Variants in KIFBP observed in about 807,000 individuals in gnomAD.
KIFBP encodes the protein kinesin family binding protein.
Under a neutral mutation model 58.9 loss-of-function variants are expected in KIFBP, and 46 were observed. The observed-to-expected ratio is 0.78, with a 90% CI of 0.62 to 1.00. KIFBP has a LOEUF of 1.00. KIFBP is among the 50% of genes least tolerant of loss of function. The probability of loss-of-function intolerance (pLI) is 0.00; values close to 1 mark genes in which losing one functional copy is unlikely to be tolerated. For missense variants in KIFBP, 651 were observed against 752.9 expected (o/e 0.86, Z 1.58); for synonymous variants, 241 against 283.4 (o/e 0.85, Z 1.50).
Position 69,015,725 on chromosome 10 carries a change from C to G in KIFBP, c.1175C>G (p.Ala392Gly). 1 of 1,614,128 alleles carries G rather than the reference C, an allele frequency of 6.2e-7. No individual in the cohort carries two copies. Among genetic ancestry groups the G allele is most frequent in the South Asian group, 1.1e-5 (1 of 91,090 alleles). ...SYLRPLDFEE[A>G]RELFLLGQHY... ...TTGAGACCTTTAGATTTTGAAGAAG[C>G]CAGAGAACTTTTCTTATTGGGTCAG... Residue 392 changes from alanine to glycine, a missense_variant, in exon 7 of 7, where the codon GCC (alanine) becomes GGC (glycine). By Grantham distance (60) the Ala-to-Gly change is moderately conservative. Coordinates refer to ENST00000361983, the MANE Select transcript of KIFBP (RefSeq NM_015634.4).
chr10:69,002,813 G>A (rs1007824981), intron 2 of KIFBP, among the ~76,000 whole-genome samples: 4 of 151,974 alleles, frequency 2.6e-5, no homozygotes, highest in Non-Finnish European at 5.9e-5. Flanking sequence ...GCTTGAGTCC[G>A]GGAGGGCAGT....
intron 6 of KIFBP, among the ~76,000 whole-genome samples, chr10:69,013,234 A>G (rs934345215): frequency 6.6e-6 from 1 of 152,192 alleles, no homozygotes; most frequent in African/African-American, 2.4e-5. Flanking sequence ...TCAGTGGTAA[A>G]TAATATAGAA....
At chr10:69,008,673 T>C (rs1385668638) in intron 4 of KIFBP, among the ~76,000 whole-genome samples, 168 bp from the exon 5 acceptor site, 1 of 151,994 alleles carries the variant, frequency 6.6e-6, no homozygotes, top group Non-Finnish European at 1.5e-5. Context: ...GATAATATGA[T>C]AATATATCTT....
chr10:69,003,570 G>T (rs1360842150), intron 2 of KIFBP, among the ~76,000 whole-genome samples: 1 of 152,162 alleles, frequency 6.6e-6, no homozygotes, highest in African/African-American at 2.4e-5. Flanking sequence ...TGTTTTGGAA[G>T]ACGTAAGAGG....
intron 6 of KIFBP, among the ~76,000 whole-genome samples, chr10:69,014,263 C>T (rs1181525745): frequency 2.6e-5 from 4 of 152,112 alleles, no homozygotes; most frequent in Non-Finnish European, 4.4e-5. Context: ...TTGCTAAGTT[C>T]CACAAAGGAG....
chr10:69,011,683 C>CTTTTTT lies in KIFBP; in HGVS notation c.990+692_990+697dup, dbSNP rs34786287. On this transcript the variant is annotated intron_variant, in intron 6 of 6. Transcript: ENST00000361983. ...ACAGGTGTGAGCCACTGTGCCTAATCTTTTTTTTTTTTTTTTTTTTTTTTT... is the reference window on the plus strand; with the variant it reads ...ACAGGTGTGAGCCACTGTGCCTAATCTTTTTTTTTTTTTTTTTTTTTTTTTTTTTTT... 6.1e-4 allele frequency among the ~76,000 whole-genome samples: 26 copies of CTTTTTT among 42,534 alleles called. 1 individual carries two copies. The highest frequency in any genetic ancestry group is 2.0e-3 in the African/African-American group (20 of 9,912). 27.9% of individuals were successfully genotyped at this position (42,534 alleles called of 152,430 possible). A position where few individuals can be genotyped will look rare whatever the true frequency, so the allele number is the denominator to read the frequency against.
At chr10:68,999,449 A>G (rs1843441188) in intron 1 of KIFBP, among the ~76,000 whole-genome samples, 1 of 151,556 alleles carries the variant, frequency 6.6e-6, no homozygotes. Context: ...TAGTATTTTG[A>G]AAGTATTATA....
At position 68,988,868 on chromosome 10, in the gene KIFBP, A is replaced by G; in HGVS notation, c.36A>G (p.Lys12=). Residue 12 remains lysine (K), a synonymous_variant, in exon 1 of 7, where the codon AAA becomes AAG. Coordinates refer to ENST00000361983, the MANE Select transcript of KIFBP (RefSeq NM_015634.4). ...ANVPWAEVCE[K]FQAALALSRV... is the part of the protein sequence containing the mutation. ...TTCCGTGGGCAGAGGTCTGCGAGAAATTCCAGGCGGCGCTCGCTCTGTCGC... is the reference window on the plus strand; with the variant it reads ...TTCCGTGGGCAGAGGTCTGCGAGAAGTTCCAGGCGGCGCTCGCTCTGTCGC... The G allele has an allele frequency of 6.2e-7, 1 of 1,614,236 alleles. No homozygotes were observed. The highest frequency in any genetic ancestry group is 8.5e-7 in the Non-Finnish European group (1 of 1,180,042).
chr10:69,010,463 A>G (rs1026925818), intron 5 of KIFBP, among the ~76,000 whole-genome samples: 1 of 152,202 alleles, frequency 6.6e-6, no homozygotes, highest in Non-Finnish European at 1.5e-5. Context: ...GCTATGTATG[A>G]CACTCTGACC....
chr10:69,007,797 C>T (rs1564637462), intron 4 of KIFBP: 2 of 152,198 alleles, frequency 1.3e-5, no homozygotes, highest in Non-Finnish European at 2.9e-5. Context: ...AGGGTGGCTT[C>T]CAACTAAAAG....
chr10:69,001,769 T>G (rs1289523854), intron 2 of KIFBP, among the ~76,000 whole-genome samples: 1 of 151,736 alleles, frequency 6.6e-6, no homozygotes, highest in Non-Finnish European at 1.5e-5. Flanking sequence ...AAAAATCCAT[T>G]AATAAAGTGC....
In KIFBP at chr10:69,016,630, G is replaced by A; in HGVS notation, c.*214G>A. The A allele has an allele frequency of 1.8e-6, 1 of 541,412 alleles. No homozygotes were observed. The highest frequency in any genetic ancestry group is 3.3e-6 in the Non-Finnish European group (1 of 306,666). The allele number at this position is 541,412 out of a possible 1,614,324, so 33.5% of individuals were successfully genotyped here. ...ATGTAAATTGCCTTGTTAAAGACATGTGATTTGTATTTTAGATGCTTGTTT... is the reference window on the plus strand; with the variant it reads ...ATGTAAATTGCCTTGTTAAAGACATATGATTTGTATTTTAGATGCTTGTTT... On this transcript the variant is annotated 3_prime_UTR_variant, in exon 7 of 7. Coordinates refer to ENST00000361983, the MANE Select transcript of KIFBP (RefSeq NM_015634.4).
At position 69,011,028 on chromosome 10, in the gene KIFBP, G is replaced by C; in HGVS notation, c.990+13G>C. ...ACTCTCCATGCAGGTAATGCAGTCA[G>C]AAGCTGCCTTTTTCTTTCTTAAATG... On this transcript the variant is annotated intron_variant, in intron 6 of 6. Coordinates refer to ENST00000361983, the MANE Select transcript of KIFBP (RefSeq NM_015634.4). 1 of 1,568,832 alleles carries C rather than the reference G, an allele frequency of 6.4e-7. No individual in the cohort carries two copies. Among genetic ancestry groups the C allele is most frequent in the Non-Finnish European group, 8.8e-7 (1 of 1,138,732 alleles).
chr10:69,002,222 T>C (rs898413370), intron 2 of KIFBP, among the ~76,000 whole-genome samples: 3 of 151,502 alleles, frequency 2.0e-5, no homozygotes, highest in African/African-American at 7.3e-5. Flanking sequence ...TGCAGTGGCG[T>C]GATCTCGGCT....
chr10:69,011,008 C>T lies in KIFBP; in HGVS notation c.983C>T (p.Ser328Phe). The change falls in exon 6 of 7, where the codon TCC (serine) becomes TTC (phenylalanine). Residue 328 changes from serine (S) to phenylalanine (F), a missense_variant. Ser to Phe is a radical substitution (Grantham distance 155). Transcript: ENST00000361983. ...CLTLMQNAQL[S>F]MQDNIGELDL... ...ACTCTCATGCAGAATGCCCAACTCT[C>T]CATGCAGGTAATGCAGTCAGAAGCT... 1 of 1,610,236 alleles carries T rather than the reference C, an allele frequency of 6.2e-7. No individual in the cohort carries two copies. Among genetic ancestry groups the T allele is most frequent in the Non-Finnish European group, 8.5e-7 (1 of 1,176,528 alleles).
chr10:69,005,814 T>C lies in KIFBP; in HGVS notation c.688T>C (p.Tyr230His), dbSNP rs191873145. 40 of 1,614,148 alleles carry C rather than the reference T, an allele frequency of 2.5e-5. 1 individual carries two copies. Among genetic ancestry groups the C allele is most frequent in the African/African-American group, 2.3e-4 (17 of 75,058 alleles). Reference protein sequence around the residue: ...HLEMFEKAAHYCHSTLKRQLE... With the variant: ...HLEMFEKAAHHCHSTLKRQLE... ...GGAAATGTTTGAGAAGGCTGCTCAC[T>C]ATTGCCATAGTACACTAAAACGCCA... Residue 230 changes from tyrosine (Y) to histidine (H), a missense_variant, in exon 4 of 7, where the codon TAT becomes CAT. Transcript: ENST00000361983.
chr10:69,016,669 A>G lies in KIFBP; in HGVS notation c.*253A>G, dbSNP rs1564639858. The stretch of plus-strand genomic sequence containing the variant: ...AGATGCTTGTTTCCTATTAAAATAC[A>G]GACATTTCTACCCTCAGTTTCTAAA... On this transcript the variant is annotated 3_prime_UTR_variant, in exon 7 of 7. Transcript: ENST00000361983. The G allele has an allele frequency of 4.4e-6, 2 of 458,304 alleles. No individual in the cohort carries two copies. The highest frequency in any genetic ancestry group is 3.6e-5 in the Admixed American group (1 of 27,766). The allele number at this position is 458,304 out of a possible 1,614,324, so 28.4% of individuals were successfully genotyped here.
rs146328614 is a variant in KIFBP at position 69,011,475 on chromosome 10, C to A, written c.990+460C>A. On this transcript the variant is annotated intron_variant, in intron 6 of 6. Coordinates refer to ENST00000361983, the MANE Select transcript of KIFBP (RefSeq NM_015634.4). ...GTGGCGTGATCATGGGTCACTGCAA[C>A]CTTGGTCTCCCCGGCTCATGCAGTC... Among the ~76,000 whole-genome samples the A allele has an allele frequency of 4.4e-3, 652 of 149,324 alleles. 2 individuals carry two copies. The highest frequency in any genetic ancestry group is 8.1e-3 in the Non-Finnish European group (549 of 67,696).
At chr10:68,994,935 A>C (rs1163215827) in intron 1 of KIFBP, among the ~76,000 whole-genome samples, 1 of 151,718 alleles carries the variant, frequency 6.6e-6, no homozygotes, top group Non-Finnish European at 1.5e-5. Flanking sequence ...ACAGGGTCTT[A>C]CTATGTTGCC....
Sources: allele counts gnomAD v4.1 joint callset (sites outside exome capture counted in the v4.1 genomes callset), GRCh38; gene constraint gnomAD v4.1.1; transcripts MANE v1.5; gene names NCBI Gene and HGNC (gene_info 2026-07-23, HGNC 2026-07-21).